DMC1: variants seen among roughly 807,000 people sequenced by gnomAD.
The protein encoded by DMC1 is DNA meiotic recombinase 1, also known as meiotic recombination protein DMC1 homolog.
DMC1 carries 27 observed loss-of-function variants against 50.1 expected under a neutral mutation model. The ratio of observed to expected loss-of-function variants is 0.54; its 90% CI spans 0.40 to 0.74. The LOEUF (loss-of-function observed/expected upper bound fraction) is 0.74, where lower values mean the gene tolerates loss of function less well. DMC1 is among the 30% of genes least tolerant of loss of function. DMC1 has a pLI of 0.00. For synonymous variants in DMC1, 148 were observed against 136.1 expected, an observed-to-expected ratio of 1.09 and a Z score of -0.61; for missense variants, 295 against 420.2, an observed-to-expected ratio of 0.70 and a Z score of 2.60.
At chr22:38,556,318 CCT>C (rs2090468847) in intron 5 of DMC1, among the ~76,000 whole-genome samples, 1 of 152,050 alleles carries the variant, frequency 6.6e-6, no homozygotes, top group Admixed American at 6.6e-5. Context: ...GTCTCAAACT[CCT>C]GAGGCTCAAG....
At position 38,538,424 on chromosome 22, in the gene DMC1, T is replaced by A. The variant is rs763113866; in HGVS notation, c.661-15A>T. 10 of 1,612,574 alleles carry A rather than the reference T, an allele frequency of 6.2e-6. No individual in the cohort carries two copies. The highest frequency in any genetic ancestry group is 8.5e-6 in the Non-Finnish European group (10 of 1,178,684). On this transcript the variant is annotated splice_polypyrimidine_tract_variant and intron_variant, in intron 10 of 13. Transcript: ENST00000216024. ...GAATCGATAATCTACACAGGATTAA[T>A]GTAAAAATAAACATGCATTTGGAAA...
intron 12 of DMC1, among the ~76,000 whole-genome samples, chr22:38,534,509 C>G (rs376208730): frequency 6.6e-6 from 1 of 151,954 alleles, no homozygotes; most frequent in Non-Finnish European, 1.5e-5. Flanking sequence ...TCGAGACCAG[C>G]CTGGCCAACA....
chr22:38,560,406 C>T (rs1304513205), intron 5 of DMC1, among the ~76,000 whole-genome samples: 3 of 150,422 alleles, frequency 2.0e-5, no homozygotes, highest in South Asian at 2.1e-4. Flanking sequence ...AGGACTTTGG[C>T]TTCTTTTCTG....
intron 9 of DMC1, 40 bp downstream of exon 9, chr22:38,539,281 C>G: frequency 6.9e-7 from 1 of 1,454,902 alleles, no homozygotes; most frequent in East Asian, 2.3e-5. Flanking sequence ...TGCTGCCAAC[C>G]TTACATTGAC....
At chr22:38,513,739 G>C in the DMC1 span, among the ~76,000 whole-genome samples, 9 of 152,016 alleles carry the variant, frequency 5.9e-5, no homozygotes, top group Admixed American at 2.6e-4. Context: ...CACCAAACCC[G>C]ACTAATTTTT....
In DMC1 at chr22:38,526,371, G is replaced by A. The variant is rs146056798; in HGVS notation, c.837-4647C>T. Among the ~76,000 whole-genome samples, 309 of 152,036 alleles carry A rather than the reference G, an allele frequency of 2.0e-3. 2 individuals are homozygous for A. Among genetic ancestry groups the A allele is most frequent in the African/African-American group, 7.0e-3 (291 of 41,474 alleles). On this transcript the variant is annotated intron_variant, in intron 12 of 13. Transcript: ENST00000216024. ...ATTACAGGTACATGCCACCACGCCC[G>A]GCTAATTTTTGTATTTTTAGTAGAG...
intron 5 of DMC1, among the ~76,000 whole-genome samples, chr22:38,556,451 T>C (rs1184973482): frequency 6.6e-6 from 1 of 152,216 alleles, no homozygotes; most frequent in Non-Finnish European, 1.5e-5. Context: ...AATCCAGTGA[T>C]TGTCATTATG....
At chr22:38,516,207 A>C (rs1569149493), downstream of DMC1, among the ~76,000 whole-genome samples, 1 of 152,184 alleles carries the variant, frequency 6.6e-6, no homozygotes, top group Non-Finnish European at 1.5e-5. Flanking sequence ...TTTAGTTCAC[A>C]TTCTAACACT....
At chr22:38,533,664 T>A (rs2090180428) in intron 12 of DMC1, among the ~76,000 whole-genome samples, 1 of 152,194 alleles carries the variant, frequency 6.6e-6, no homozygotes, top group African/African-American at 2.4e-5. Context: ...ATAATTAATT[T>A]ACTCTAATTA....
In DMC1 at chr22:38,539,343, T is replaced by G. The variant is rs762201493; in HGVS notation, c.564A>C (p.Val188=). The change falls in exon 9 of 14, where the codon GTA becomes GTC. Residue 188 remains valine, a synonymous_variant. Coordinates refer to ENST00000216024, the MANE Select transcript of DMC1 (RefSeq NM_007068.4). ...TACTAGTATATGCACGTGCATAAAG[T>G]ACGTTGTCCAGTACTGCATCATGGT... ...NVDHDAVLDN[V]LYARAYTSEH... is the part of the protein sequence containing the mutation. The G allele has an allele frequency of 2.5e-6, 4 of 1,614,006 alleles. No individual in the cohort carries two copies. Among genetic ancestry groups the G allele is most frequent in the Middle Eastern group, 1.6e-4 (1 of 6,062 alleles).
chr22:38,526,309 A>G (rs182742434), intron 12 of DMC1, among the ~76,000 whole-genome samples: 232 of 152,128 alleles, frequency 1.5e-3, no homozygotes, highest in African/African-American at 5.4e-3. Flanking sequence ...GGTTCAAGCG[A>G]TTCTCCTAGC....
At chr22:38,544,600 C>A (rs895114653) in intron 8 of DMC1, among the ~76,000 whole-genome samples, 4 of 151,366 alleles carry the variant, frequency 2.6e-5, no homozygotes, top group Non-Finnish European at 5.9e-5. Context: ...GTGTCACGGG[C>A]GTATCCCCAA....
At position 38,555,368 on chromosome 22, in the gene DMC1, T is replaced by C. The variant is rs1257340142; in HGVS notation, c.368A>G (p.Glu123Gly). ...AAGGTTCTACCTACCTCCAAAAGCTTCTGTAATTGCCATACTTTCAATTCC... is the reference window on the plus strand; with the variant it reads ...AAGGTTCTACCTACCTCCAAAAGCTCCTGTAATTGCCATACTTTCAATTCC... Reference protein sequence around the residue: ...GGGIESMAITEAFGEFRTGKT... With the variant: ...GGGIESMAITGAFGEFRTGKT... The change falls in exon 6 of 14, where the codon GAA becomes GGA. Residue 123 changes from glutamate to glycine, a missense_variant. By Grantham distance (98) the Glu-to-Gly change is moderately conservative (BLOSUM62 -2). Transcript: ENST00000216024. The C allele has an allele frequency of 6.2e-7, 1 of 1,609,354 alleles. No homozygotes were observed. The highest frequency in any genetic ancestry group is 1.1e-5 in the South Asian group (1 of 90,970).
the DMC1 span, among the ~76,000 whole-genome samples, chr22:38,512,678 C>G: frequency 6.6e-6 from 1 of 152,206 alleles, no homozygotes; most frequent in African/African-American, 2.4e-5. Flanking sequence ...TTCCCTTTCT[C>G]CAGTCCCTGA....
chr22:38,520,897 G>C (rs1205819901), intron 13 of DMC1, among the ~76,000 whole-genome samples: 1 of 148,182 alleles, frequency 6.7e-6, no homozygotes, highest in Non-Finnish European at 1.5e-5. Flanking sequence ...TTTTTTTTGA[G>C]ACGGAGTCTC....
intron 12 of DMC1, among the ~76,000 whole-genome samples, chr22:38,526,732 A>G (rs1440612907): frequency 6.6e-6 from 1 of 152,180 alleles, no homozygotes; most frequent in Middle Eastern, 3.2e-3. Flanking sequence ...CTTCTAAGTC[A>G]TCAATTTTTT....
chr22:38,560,884 A>T (rs543043437), intron 5 of DMC1, among the ~76,000 whole-genome samples: 1 of 152,178 alleles, frequency 6.6e-6, no homozygotes, highest in South Asian at 2.1e-4. Context: ...AGCATATACT[A>T]AGCAACATAT....
chr22:38,552,329 G>A (rs2090422082), intron 7 of DMC1, among the ~76,000 whole-genome samples: 1 of 152,094 alleles, frequency 6.6e-6, no homozygotes, highest in Non-Finnish European at 1.5e-5. Context: ...AAAGATTCTA[G>A]GACTCAATAG....
intron 8 of DMC1, among the ~76,000 whole-genome samples, chr22:38,542,780 A>G (rs754627363): frequency 4.6e-5 from 7 of 152,324 alleles, no homozygotes; most frequent in Middle Eastern, 6.8e-3. Context: ...AACTAAAGGA[A>G]CCACATAACC....
Sources: allele counts gnomAD v4.1 joint callset (sites outside exome capture counted in the v4.1 genomes callset), GRCh38; gene constraint gnomAD v4.1.1; transcripts MANE v1.5; gene names NCBI Gene and HGNC (gene_info 2026-07-23, HGNC 2026-07-21).